AGAP1: variants seen among roughly 807,000 people sequenced by gnomAD.
AGAP1 encodes ArfGAP with GTPase domain, ankyrin repeat and PH domain 1, also known as arf-GAP with GTPase, ANK repeat and PH domain-containing protein 1.
AGAP1 carries 29 observed loss-of-function variants against 105.3 expected under a neutral mutation model. That is an observed-to-expected ratio of 0.28 (90% CI 0.21 to 0.38). AGAP1 has a LOEUF of 0.38. Among genes scored for constraint, AGAP1 ranks in the 10% least tolerant of loss-of-function variants. The pLI, the probability that AGAP1 is intolerant of heterozygous loss-of-function variation, is 1.00. For synonymous variants in AGAP1, 509 were observed against 485.9 expected, an observed-to-expected ratio of 1.05 and a Z score of -0.63; for missense variants, 998 against 1,165.1, an observed-to-expected ratio of 0.86 and a Z score of 2.09.
At position 235,994,471 on chromosome 2, in the gene AGAP1, A is replaced by G. The variant is rs546728463; in HGVS notation, c.1645+25848A>G. On this transcript the variant is annotated intron_variant, in intron 13 of 17. Coordinates refer to ENST00000304032, the MANE Select transcript of AGAP1 (RefSeq NM_001037131.3). This position sits in a 1 kb window ranked among gnomAD's most constrained non-coding sequence, Gnocchi z 4.4. ...TCTTGGAGTTACTTGTTGATAGGAC[A>G]GCGTTAAGGGGGTCGTTTCTTTCTG... is the stretch of plus-strand genomic sequence containing the variant. Among the ~76,000 whole-genome samples, 45 of 152,272 alleles carry G rather than the reference A, an allele frequency of 3.0e-4. 1 individual carries two copies. In the South Asian group the frequency reaches 8.7e-3, roughly 30 times the overall value.
At chr2:235,510,222 C>T (rs1431617428) in intron 1 of AGAP1, among the ~76,000 whole-genome samples, 1 of 152,186 alleles carries the variant, frequency 6.6e-6, no homozygotes, top group Non-Finnish European at 1.5e-5. Context: ...AAACCATCCC[C>T]CTGCCTCCCT....
At chr2:235,670,055 C>T in intron 1 of AGAP1, 1 of 390,442 alleles carries the variant, frequency 2.6e-6, no homozygotes, top group Non-Finnish European at 4.5e-6. Context: ...GCCCTCCCGG[C>T]CCGCGGGCTC....
intron 9 of AGAP1, among the ~76,000 whole-genome samples, chr2:235,829,880 C>T (rs1005206547): frequency 1.3e-5 from 2 of 152,032 alleles, no homozygotes; most frequent in African/African-American, 4.8e-5. Flanking sequence ...GAAGAACTGG[C>T]AATAGAGAGT....
intron 9 of AGAP1, among the ~76,000 whole-genome samples, chr2:235,837,215 C>T (rs1381311101): frequency 6.6e-6 from 1 of 152,176 alleles, no homozygotes; most frequent in Non-Finnish European, 1.5e-5. Context: ...GAACTCCTGA[C>T]CTCAGGTGAT....
intron 9 of AGAP1, among the ~76,000 whole-genome samples, chr2:235,868,301 T>C (rs1373600837): frequency 6.6e-6 from 1 of 152,192 alleles, no homozygotes; most frequent in Non-Finnish European, 1.5e-5. Flanking sequence ...TTAGTGCTCC[T>C]GCAGCAGCAA....
At chr2:236,065,641 C>G (rs918599214) in intron 16 of AGAP1, among the ~76,000 whole-genome samples, 1 of 152,210 alleles carries the variant, frequency 6.6e-6, no homozygotes, top group Non-Finnish European at 1.5e-5. Flanking sequence ...ACAACAAAAT[C>G]CTGCTTCCTA....
chr2:236,018,728 G>T (rs1234929249), intron 13 of AGAP1, among the ~76,000 whole-genome samples: 2 of 152,180 alleles, frequency 1.3e-5, no homozygotes, highest in Non-Finnish European at 2.9e-5. Flanking sequence ...TTGCATCCAG[G>T]TGTTAGCCAG....
In AGAP1 at chr2:236,097,748, A is replaced by G. The variant is rs536194494; in HGVS notation, c.2115-22444A>G. Among the ~76,000 whole-genome samples, 11 of 152,192 alleles carry G rather than the reference A, an allele frequency of 7.2e-5. No individual in the cohort carries two copies. In the South Asian group the frequency reaches 2.1e-3, roughly 29 times the overall value. On this transcript the variant is annotated intron_variant, in intron 16 of 17. Transcript: ENST00000304032. Reference sequence around the variant, plus strand: ...CTCAGTACATTGACATTGCTGCGCAACCATCACGACCATCCATCTCCAGAA... The same window carrying G: ...CTCAGTACATTGACATTGCTGCGCAGCCATCACGACCATCCATCTCCAGAA...
intron 12 of AGAP1, among the ~76,000 whole-genome samples, chr2:235,949,404 G>T (rs1385547548): frequency 6.6e-6 from 1 of 152,114 alleles, no homozygotes; most frequent in East Asian, 1.9e-4. Flanking sequence ...TCAAAAGAGG[G>T]CGGTGGCCAG....
At chr2:235,515,936 G>A (rs553422409) in intron 1 of AGAP1, among the ~76,000 whole-genome samples, 5 of 152,144 alleles carry the variant, frequency 3.3e-5, no homozygotes, top group African/African-American at 7.2e-5. Flanking sequence ...TGCTAGGAGC[G>A]GGGAGAAGTT....
chr2:235,885,363 C>A (rs571114209), intron 10 of AGAP1, among the ~76,000 whole-genome samples: 1 of 152,270 alleles, frequency 6.6e-6, no homozygotes, highest in South Asian at 2.1e-4. Context: ...AAAAATGAAC[C>A]TTGGCAGATA....
rs752662854 is a variant in AGAP1 at position 235,889,208 on chromosome 2, G to A, written c.1155+5759G>A. On this transcript the variant is annotated intron_variant, in intron 10 of 17. Coordinates refer to ENST00000304032, the MANE Select transcript of AGAP1 (RefSeq NM_001037131.3). The surrounding 1 kb of genome is among the most constrained non-coding windows in gnomAD (Gnocchi z 4.6). ...TCGGTATGTGGCCGTGCTGTGCACC[G>A]AGCTCGTGGAATCCCAGCAGGATGA... is the stretch of plus-strand genomic sequence containing the variant. Among the ~76,000 whole-genome samples the A allele has an allele frequency of 2.6e-5, 4 of 152,158 alleles. No individual in the cohort carries two copies. Among genetic ancestry groups the A allele is most frequent in the East Asian group, 3.9e-4 (2 of 5,184 alleles).
chr2:235,594,123 A>T (rs939100439), intron 1 of AGAP1, among the ~76,000 whole-genome samples: 1 of 152,190 alleles, frequency 6.6e-6, no homozygotes, highest in Non-Finnish European at 1.5e-5. Flanking sequence ...GGAAGTGGAG[A>T]TTGAGATGTT....
At position 235,842,081 on chromosome 2, in the gene AGAP1, G is replaced by C. The variant is rs146100335; in HGVS notation, c.1050+34750G>C. Among the ~76,000 whole-genome samples the C allele has an allele frequency of 2.1e-4, 32 of 152,120 alleles. No individual in the cohort carries two copies. Among genetic ancestry groups the C allele is most frequent in the Admixed American group, 7.2e-4 (11 of 15,270 alleles). Reference sequence around the variant, plus strand: ...TCGCTCATGTGGAGGAGGGCCTCTCGTTGGAAGCCCAGGCTCACTCCATGG... The same window carrying C: ...TCGCTCATGTGGAGGAGGGCCTCTCCTTGGAAGCCCAGGCTCACTCCATGG... On this transcript the variant is annotated intron_variant, in intron 9 of 17. Coordinates refer to ENST00000304032, the MANE Select transcript of AGAP1 (RefSeq NM_001037131.3). This position sits in a 1 kb window ranked among gnomAD's most constrained non-coding sequence, Gnocchi z 5.3.
chr2:236,033,512 A>G lies in AGAP1; in HGVS notation c.1646-3049A>G, dbSNP rs531503733. Reference sequence around the variant, plus strand: ...CAGTGCAAGATACCAGATAGCAGCTACTGCGTTGGGATGAGGCAAAAAATA... The same window carrying G: ...CAGTGCAAGATACCAGATAGCAGCTGCTGCGTTGGGATGAGGCAAAAAATA... On this transcript the variant is annotated intron_variant, in intron 13 of 17. Transcript: ENST00000304032. Among the ~76,000 whole-genome samples, 6 of 152,382 alleles carry G rather than the reference A, an allele frequency of 3.9e-5. No homozygotes were observed. The East Asian group carries it at 9.6e-4, about 24-fold the overall frequency.
intron 16 of AGAP1, among the ~76,000 whole-genome samples, chr2:236,066,143 C>G (rs1359270574): frequency 1.3e-5 from 2 of 152,272 alleles, no homozygotes; most frequent in Admixed American, 1.3e-4. Flanking sequence ...AATCCGTTTA[C>G]TGACACATGG....
chr2:235,619,709 A>G (rs1213537580), intron 1 of AGAP1, among the ~76,000 whole-genome samples: 2 of 152,180 alleles, frequency 1.3e-5, no homozygotes, highest in African/African-American at 4.8e-5. Context: ...GAAGGGGACA[A>G]GATTGCCAAG....
chr2:235,750,794 T>C lies in AGAP1; in HGVS notation c.673+306T>C, dbSNP rs1172051699. Among the ~76,000 whole-genome samples, 1 of 152,190 alleles carries C rather than the reference T, an allele frequency of 6.6e-6. No individual in the cohort carries two copies. Among genetic ancestry groups the C allele is most frequent in the African/African-American group, 2.4e-5 (1 of 41,436 alleles). On this transcript the variant is annotated intron_variant, in intron 6 of 17. Coordinates refer to ENST00000304032, the MANE Select transcript of AGAP1 (RefSeq NM_001037131.3). This position sits in a 1 kb window ranked among gnomAD's most constrained non-coding sequence, Gnocchi z 5.3. ...CTTGAGCTGTTACTCATCCATGTGC[T>C]CTGTAAAACTTGTTTGTGAGCATTT...
chr2:235,685,729 G>C (rs896436523), intron 1 of AGAP1, among the ~76,000 whole-genome samples: 1 of 152,000 alleles, frequency 6.6e-6, no homozygotes, highest in African/African-American at 2.4e-5. Flanking sequence ...CCAGAGCTCT[G>C]TGAACCCCGA....
Sources: gnomAD v4.1 joint callset for allele counts (sites outside exome capture counted in the v4.1 genomes callset) on GRCh38, gnomAD v4.1.1 for gene constraint, Gnocchi (gnomAD v3.1) non-coding constraint, MANE v1.5 for transcripts, NCBI Gene and HGNC (gene_info 2026-07-23, HGNC 2026-07-21) for gene names.